The following SEPTIN9 variants were observed in gnomAD, a reference collection of about 807,000 sequenced individuals.
SEPTIN9 encodes septin-9.
SEPTIN9 carries 13 observed loss-of-function variants against 56.6 expected under a neutral mutation model. The ratio of observed to expected loss-of-function variants is 0.23; its 90% CI spans 0.15 to 0.37. The LOEUF is 0.37. SEPTIN9 is among the 10% of genes least tolerant of loss of function. The probability of loss-of-function intolerance (pLI) is 1.00; values close to 1 mark genes in which losing one functional copy is unlikely to be tolerated. For synonymous variants in SEPTIN9, 332 were observed against 334.1 expected, an observed-to-expected ratio of 0.99 and a Z score of 0.07; for missense variants, 650 against 823.1, an observed-to-expected ratio of 0.79 and a Z score of 2.57.
At chr17:77,497,192 G>A in intron 10 of SEPTIN9, 123 bp from the exon 11 acceptor site, 1 of 960,474 alleles carries the variant, frequency 1.0e-6, no homozygotes, top group East Asian at 2.6e-5. Context: ...CTGCCCTCCT[G>A]CCCATGGGGC....
In SEPTIN9 at chr17:77,402,429, G is replaced by A. The variant is rs1211518356; in HGVS notation, c.447G>A (p.Arg149=). The change falls in exon 3 of 12, where the codon AGG becomes AGA. Residue 149 remains arginine, a synonymous_variant. Coordinates refer to ENST00000427177, the MANE Select transcript of SEPTIN9 (RefSeq NM_001113491.2). The surrounding 1 kb of genome is among the most constrained non-coding windows in gnomAD (Gnocchi z 6.6). ...GHKTPEPAPR[R]TEITIVKPQE... ...AGACGCCAGAACCGGCCCCTCGGAG[G>A]ACGGAGATCACCATCGTCAAACCCC... 3.7e-6 allele frequency: 6 copies of A among 1,610,904 alleles called. No individual in the cohort carries two copies. The South Asian group carries it at 6.6e-5, about 18-fold the overall frequency.
At position 77,296,831 on chromosome 17, in the gene SEPTIN9, C is replaced by T. The variant is rs773822820; in HGVS notation, c.20-10310C>T. On this transcript the variant is annotated intron_variant, in intron 1 of 11. Coordinates refer to ENST00000427177, the MANE Select transcript of SEPTIN9 (RefSeq NM_001113491.2). ...TCACGCCACTGCACTCCAGCCTAGG[C>T]GACAAAGTGAGACTCCATCTCAAAA... Among the ~76,000 whole-genome samples, 7 of 151,616 alleles carry T rather than the reference C, an allele frequency of 4.6e-5. No individual in the cohort carries two copies. The South Asian group carries it at 1.0e-3, about 23-fold the overall frequency.
At position 77,499,342 on chromosome 17, in the gene SEPTIN9, G is replaced by A. The variant is rs1376179144; in HGVS notation, c.*684G>A. 2 of 592,544 alleles carry A rather than the reference G, an allele frequency of 3.4e-6. No homozygotes were observed. Among genetic ancestry groups the A allele is most frequent in the Middle Eastern group, 2.7e-4 (1 of 3,652 alleles). 36.7% of individuals were successfully genotyped at this position (592,544 alleles called of 1,614,324 possible). ...GCCAGATGCGGGGACAGGCTGGAAT[G>A]AGGGAGGCGTCTTCATCTCCCTGCC... On this transcript the variant is annotated 3_prime_UTR_variant, in exon 12 of 12. Transcript: ENST00000427177.
intron 3 of SEPTIN9, among the ~76,000 whole-genome samples, chr17:77,472,194 A>G (rs1238506689): frequency 6.6e-6 from 1 of 152,232 alleles, no homozygotes; most frequent in Non-Finnish European, 1.5e-5. Flanking sequence ...GGCCTCTTCC[A>G]GAAAGCGGCG....
chr17:77,406,910 C>T (rs2036101973), intron 3 of SEPTIN9, among the ~76,000 whole-genome samples: 1 of 152,092 alleles, frequency 6.6e-6, no homozygotes, highest in East Asian at 1.9e-4. Flanking sequence ...ACCTCGTGAC[C>T]CACCCACCTC....
intron 2 of SEPTIN9, among the ~76,000 whole-genome samples, chr17:77,394,390 C>T (rs2035637707): frequency 6.6e-6 from 1 of 152,180 alleles, no homozygotes; most frequent in Non-Finnish European, 1.5e-5. Context: ...CTTCCCTACT[C>T]CTTGGCACCA....
chr17:77,418,485 G>A (rs969003078), intron 3 of SEPTIN9, among the ~76,000 whole-genome samples: 3 of 152,228 alleles, frequency 2.0e-5, no homozygotes, highest in Admixed American at 2.0e-4. Flanking sequence ...TGGGACTACA[G>A]GCGCGTGTCA....
rs79696309 is a variant in SEPTIN9, at chr17:77,409,127, C to T, written c.721+6424C>T. Among the ~76,000 whole-genome samples, 1,741 of 152,232 alleles carry T rather than the reference C, an allele frequency of 0.011. 119 individuals carry two copies. The East Asian group carries it at 0.19, about 17-fold the overall frequency. On this transcript the variant is annotated intron_variant, in intron 3 of 11. Coordinates refer to ENST00000427177, the MANE Select transcript of SEPTIN9 (RefSeq NM_001113491.2). ...CGCTGCTCCCACCTCCTCCCATTTT[C>T]CTGAGCTGCTTGCAGAGGGCACCCA...
intron 3 of SEPTIN9, among the ~76,000 whole-genome samples, chr17:77,413,125 ATT>A (rs1398111687): frequency 6.8e-6 from 1 of 146,608 alleles, no homozygotes; most frequent in Non-Finnish European, 1.5e-5. Flanking sequence ...TGTGTGTGCT[ATT>A]TTTATCAGTT....
intron 7 of SEPTIN9, among the ~76,000 whole-genome samples, chr17:77,489,328 T>C (rs73377528): frequency 0.014 from 2,071 of 152,256 alleles, 26 homozygotes; most frequent in South Asian, 0.036. Context: ...ACGGGGCTGC[T>C]GTTGGTGTTG....
At chr17:77,361,484 C>T (rs879375802) in intron 2 of SEPTIN9, among the ~76,000 whole-genome samples, 3 of 151,828 alleles carry the variant, frequency 2.0e-5, no homozygotes, top group Non-Finnish European at 2.9e-5. Context: ...CAGGTGGGAT[C>T]GAGGGTGGGC....
At chr17:77,457,314 A>G (rs867512963) in intron 3 of SEPTIN9, among the ~76,000 whole-genome samples, 11 of 152,244 alleles carry the variant, frequency 7.2e-5, no homozygotes, top group African/African-American at 1.4e-4. Flanking sequence ...CGTGAGAAGC[A>G]TCACTGCATG....
intron 1 of SEPTIN9, among the ~76,000 whole-genome samples, chr17:77,293,748 C>T (rs1835959754): frequency 1.3e-5 from 2 of 152,210 alleles, no homozygotes. Flanking sequence ...ATTTCTCCCA[C>T]ATTTTTGGCA....
At chr17:77,473,621 C>T (rs963701447) in intron 3 of SEPTIN9, among the ~76,000 whole-genome samples, 4 of 152,218 alleles carry the variant, frequency 2.6e-5, no homozygotes, top group Admixed American at 6.5e-5. Flanking sequence ...CTTTACTTTT[C>T]ACCAGAGGTT....
chr17:77,371,514 G>A lies in SEPTIN9; in HGVS notation c.77-30545G>A, dbSNP rs2034718324. Among the ~76,000 whole-genome samples, 1 of 152,244 alleles carries A rather than the reference G, an allele frequency of 6.6e-6. No individual in the cohort carries two copies. Among genetic ancestry groups the A allele is most frequent in the South Asian group, 2.1e-4 (1 of 4,836 alleles). On this transcript the variant is annotated intron_variant, in intron 2 of 11. Coordinates refer to ENST00000427177, the MANE Select transcript of SEPTIN9 (RefSeq NM_001113491.2). The surrounding 1 kb of genome is among the most constrained non-coding windows in gnomAD (Gnocchi z 4.1). ...AATAATGCTGTGGCTTAGGATGGCT[G>A]TTGTGCCGGACCCGGCATCTTCCCA... is the stretch of plus-strand genomic sequence containing the variant.
intron 3 of SEPTIN9, among the ~76,000 whole-genome samples, chr17:77,413,113 TG>T (rs1163609231): frequency 7.2e-5 from 11 of 151,994 alleles, no homozygotes; most frequent in African/African-American, 1.7e-4. Context: ...TGTGTGTGTG[TG>T]TGTGTGTGCT....
At chr17:77,395,592 T>G (rs985310318) in intron 2 of SEPTIN9, among the ~76,000 whole-genome samples, 1 of 150,432 alleles carries the variant, frequency 6.6e-6, no homozygotes, top group Admixed American at 6.6e-5. Flanking sequence ...GTGATCCCCA[T>G]GTAGTATAAG....
chr17:77,442,092 TAGA>T (rs1477741448), intron 3 of SEPTIN9: 1 of 152,142 alleles, frequency 6.6e-6, no homozygotes, highest in Admixed American at 6.5e-5. Flanking sequence ...AAAGAGCAGG[TAGA>T]AGGTGGGGCC....
chr17:77,343,037 C>CTATCTATCTA (rs1167779503), intron 2 of SEPTIN9, among the ~76,000 whole-genome samples: 226 of 141,536 alleles, frequency 1.6e-3, no homozygotes, highest in African/African-American at 6.0e-3. Flanking sequence ...ATCTATCTAT[C>CTATCTATCTA]TATCTAGTCT....
Sources: allele counts gnomAD v4.1 joint callset (sites outside exome capture counted in the v4.1 genomes callset), GRCh38; gene constraint gnomAD v4.1.1; non-coding constraint Gnocchi (gnomAD v3.1); transcripts MANE v1.5; gene names NCBI Gene and HGNC (gene_info 2026-07-23, HGNC 2026-07-21).